The following DTNA variants were observed in gnomAD, a reference collection of about 807,000 sequenced individuals.
DTNA encodes dystrobrevin alpha, also known as dystrophin-related protein 3.
In DTNA, 43 loss-of-function variants were observed where a neutral mutation model predicts 100.7. That is an observed-to-expected ratio of 0.43 (90% CI 0.33 to 0.55). The LOEUF (loss-of-function observed/expected upper bound fraction) is 0.55, where lower values mean the gene tolerates loss of function less well. Among genes scored for constraint, DTNA ranks in the 20% least tolerant of loss-of-function variants. DTNA has a pLI of 0.04. For missense variants in DTNA, 798 were observed against 953.9 expected (o/e 0.84, Z 2.15); for synonymous variants, 349 against 347.9 (o/e 1.00, Z -0.04).
At chr18:34,851,569 G>A (rs1003900443) in intron 14 of DTNA, among the ~76,000 whole-genome samples, 1 of 152,194 alleles carries the variant, frequency 6.6e-6, no homozygotes, top group Non-Finnish European at 1.5e-5. Flanking sequence ...CAGTCAGAAA[G>A]CTGAAAAATC....
intron 1 of DTNA, among the ~76,000 whole-genome samples, chr18:34,500,389 G>T (rs563275413): frequency 6.7e-6 from 1 of 149,562 alleles, no homozygotes; most frequent in African/African-American, 2.5e-5. Context: ...TGTTTATCTA[G>T]TATCCTGGGA....
At chr18:34,747,289 T>A (rs566344609) in intron 1 of DTNA, among the ~76,000 whole-genome samples, 1 of 152,186 alleles carries the variant, frequency 6.6e-6, no homozygotes, top group African/African-American at 2.4e-5. Flanking sequence ...TAGCATCATA[T>A]TTCCACTCAA....
intron 1 of DTNA, among the ~76,000 whole-genome samples, chr18:34,501,800 G>A (rs1521792): frequency 0.74 from 113,248 of 152,026 alleles, 42,538 homozygotes; most frequent in African/African-American, 0.85. Flanking sequence ...TTTGGCTTGC[G>A]GATAGCTGAG....
intron 1 of DTNA, among the ~76,000 whole-genome samples, chr18:34,629,301 A>G (rs752869101): frequency 2.0e-5 from 3 of 152,222 alleles, no homozygotes; most frequent in Admixed American, 6.5e-5. Flanking sequence ...AACTACAGCA[A>G]TACTTACCAA....
intron 1 of DTNA, among the ~76,000 whole-genome samples, chr18:34,617,954 G>A (rs1433505222): frequency 6.6e-6 from 1 of 152,084 alleles, no homozygotes; most frequent in Non-Finnish European, 1.5e-5. Context: ...CACATTTTTA[G>A]AGAACTAATT....
At position 34,794,210 on chromosome 18, in the gene DTNA, A is replaced by G. The variant is rs1201061306; in HGVS notation, c.322A>G (p.Ile108Val). Residue 108 changes from isoleucine (I) to valine (V), a missense_variant, in exon 4 of 23, where the codon ATC (isoleucine) becomes GTC (valine). Physicochemically the swap from Ile to Val is conservative, Grantham distance 29. Transcript: ENST00000444659. ...TCACCAAATCCATGTGGAGCAGTCC[A>G]TCAGCCTCCTCCTTAACTTCCTGCT... is the stretch of plus-strand genomic sequence containing the variant. ...TTHQIHVEQS[I>V]SLLLNFLLAA... 11 of 1,614,046 alleles carry G rather than the reference A, an allele frequency of 6.8e-6. No individual in the cohort carries two copies. Among genetic ancestry groups the G allele is most frequent in the African/African-American group, 1.3e-5 (1 of 74,936 alleles).
intron 1 of DTNA, among the ~76,000 whole-genome samples, chr18:34,695,842 C>T (rs2080457383): frequency 6.6e-6 from 1 of 152,134 alleles, no homozygotes; most frequent in Non-Finnish European, 1.5e-5. Flanking sequence ...TCCACGTGTT[C>T]CTGATTCTGT....
chr18:34,689,352 A>G (rs1191721013), intron 1 of DTNA, among the ~76,000 whole-genome samples: 2 of 151,632 alleles, frequency 1.3e-5, no homozygotes, highest in African/African-American at 2.4e-5. Flanking sequence ...GTTGTTGTTG[A>G]TGTTGATGCT....
In DTNA at chr18:34,890,967, C is replaced by T. The variant is rs1181874870; in HGVS notation, c.*3233C>T. On this transcript the variant is annotated 3_prime_UTR_variant, in exon 23 of 23. Transcript: ENST00000444659. ...TAACCGTAGATAGATCTTGTAAATCCAGCAACCTTTGGTTGCTGCATTCCC... is the reference window on the plus strand; with the variant it reads ...TAACCGTAGATAGATCTTGTAAATCTAGCAACCTTTGGTTGCTGCATTCCC... The T allele has an allele frequency of 6.6e-6, 1 of 152,652 alleles. No individual in the cohort carries two copies. Among genetic ancestry groups the T allele is most frequent in the Non-Finnish European group, 1.5e-5 (1 of 68,208 alleles). 9.5% of individuals were successfully genotyped at this position (152,652 alleles called of 1,614,324 possible).
intron 11 of DTNA, among the ~76,000 whole-genome samples, chr18:34,835,353 G>A (rs574401923): frequency 6.6e-6 from 1 of 152,158 alleles, no homozygotes; most frequent in African/African-American, 2.4e-5. Flanking sequence ...GGAAAGGAAC[G>A]GAAGATAAAA....
At chr18:34,679,407 G>T (rs2077793314) in intron 1 of DTNA, 2 of 152,198 alleles carry the variant, frequency 1.3e-5, no homozygotes, top group African/African-American at 4.8e-5. Flanking sequence ...CTTCCTGTTT[G>T]TGTAATAAAT....
intron 1 of DTNA, among the ~76,000 whole-genome samples, chr18:34,589,613 C>T (rs2049486426): frequency 6.6e-6 from 1 of 151,860 alleles, no homozygotes; most frequent in East Asian, 1.9e-4. Flanking sequence ...TGTCTCAAAA[C>T]AAAACAAAAC....
At chr18:34,662,127 C>T (rs574517295) in intron 1 of DTNA, among the ~76,000 whole-genome samples, 11 of 149,360 alleles carry the variant, frequency 7.4e-5, no homozygotes, top group African/African-American at 1.2e-4. Flanking sequence ...TGTTAAGAAC[C>T]GGTTGTTGTT....
At chr18:34,864,248 C>CTTTTTTTT (rs555273655) in intron 17 of DTNA, among the ~76,000 whole-genome samples, 186 bp downstream of exon 17, 3 of 127,420 alleles carry the variant, frequency 2.4e-5, no homozygotes, top group Non-Finnish European at 3.3e-5. Flanking sequence ...AGAACACATT[C>CTTTTTTTT]TTTTTTTTTT....
At chr18:34,495,129 C>T (rs1225727054) in intron 1 of DTNA, among the ~76,000 whole-genome samples, 4 of 152,140 alleles carry the variant, frequency 2.6e-5, no homozygotes, top group Admixed American at 6.5e-5. Context: ...GCTTTTCATG[C>T]GCCCCTAATC....
chr18:34,865,737 C>G (rs2096693269), intron 17 of DTNA, among the ~76,000 whole-genome samples: 1 of 152,166 alleles, frequency 6.6e-6, no homozygotes, highest in African/African-American at 2.4e-5. Flanking sequence ...GCTTTGAAAA[C>G]TGCCCCCTAT....
intron 8 of DTNA, chr18:34,818,570 G>A: frequency 7.3e-7 from 1 of 1,378,946 alleles, no homozygotes; most frequent in Non-Finnish European, 9.4e-7. Flanking sequence ...GTTACTTCTT[G>A]GAATATAGAT....
intron 1 of DTNA, among the ~76,000 whole-genome samples, chr18:34,597,096 T>C (rs1294720503): frequency 1.3e-5 from 2 of 152,128 alleles, no homozygotes; most frequent in African/African-American, 4.8e-5. Flanking sequence ...AATGAGAACG[T>C]GTGGTGTTCG....
At chr18:34,562,704 A>T (rs1026860064) in intron 1 of DTNA, among the ~76,000 whole-genome samples, 1 of 152,206 alleles carries the variant, frequency 6.6e-6, no homozygotes, top group Admixed American at 6.5e-5. Flanking sequence ...CTTGTTAGAT[A>T]CACAAATATC....
Sources: allele counts gnomAD v4.1 joint callset (sites outside exome capture counted in the v4.1 genomes callset), GRCh38; gene constraint gnomAD v4.1.1; transcripts MANE v1.5; gene names NCBI Gene and HGNC (gene_info 2026-07-23, HGNC 2026-07-21).